Variants in CSTPP1 observed in about 807,000 individuals in gnomAD.
The protein encoded by CSTPP1 is centriolar satellite-associated tubulin polyglutamylase complex regulator 1.
chr11:47,054,913 A>G, the CSTPP1 span, among the ~76,000 whole-genome samples: 1 of 149,260 alleles, frequency 6.7e-6, no homozygotes, highest in Non-Finnish European at 1.5e-5. Flanking sequence ...AGTAATAGCC[A>G]CAGAATAAAT....
chr11:46,941,588 C>T, the CSTPP1 span, among the ~76,000 whole-genome samples: 2 of 152,172 alleles, frequency 1.3e-5, no homozygotes, highest in Admixed American at 6.5e-5. Context: ...GATCCACCCA[C>T]CTTAGCCTCC....
the CSTPP1 span, among the ~76,000 whole-genome samples, chr11:47,049,356 G>T: frequency 1.3e-5 from 2 of 152,104 alleles, no homozygotes; most frequent in African/African-American, 4.8e-5. Flanking sequence ...ATGTAGATAG[G>T]CCAGGCGCGG....
chr11:46,944,119 A>G, the CSTPP1 span, among the ~76,000 whole-genome samples: 1 of 152,072 alleles, frequency 6.6e-6, no homozygotes, highest in Non-Finnish European at 1.5e-5. Context: ...GGAGTTCGAG[A>G]CCAGCCTGGC....
At chr11:47,004,188 T>A in the CSTPP1 span, among the ~76,000 whole-genome samples, 1 of 149,440 alleles carries the variant, frequency 6.7e-6, no homozygotes, top group Non-Finnish European at 1.5e-5. Flanking sequence ...TTGTTTTTGT[T>A]TTTTTTTTTT....
chr11:47,125,482 G>T, the CSTPP1 span, among the ~76,000 whole-genome samples: 3 of 152,138 alleles, frequency 2.0e-5, no homozygotes, highest in African/African-American at 7.2e-5. Flanking sequence ...GTTAGCCACT[G>T]CTTCTGTTTA....
At chr11:47,089,206 G>A in the CSTPP1 span, among the ~76,000 whole-genome samples, 1 of 151,952 alleles carries the variant, frequency 6.6e-6, no homozygotes, top group African/African-American at 2.4e-5. Context: ...GTATTATATC[G>A]GCAAAGGGGT....
the CSTPP1 span, among the ~76,000 whole-genome samples, chr11:47,003,316 A>G: frequency 1.3e-5 from 2 of 152,230 alleles, no homozygotes; most frequent in Non-Finnish European, 2.9e-5. Flanking sequence ...ACAATTTGGC[A>G]CCTTTAACCA....
chr11:47,025,087 A>T, the CSTPP1 span, among the ~76,000 whole-genome samples: 1 of 152,278 alleles, frequency 6.6e-6, no homozygotes, highest in African/African-American at 2.4e-5. Context: ...TAGTTACTAC[A>T]ATGGACTTGA....
At chr11:46,942,195 T>C in the CSTPP1 span, among the ~76,000 whole-genome samples, 2 of 152,184 alleles carry the variant, frequency 1.3e-5, no homozygotes, top group African/African-American at 2.4e-5. Context: ...TGTTAATGCC[T>C]AGGCCTGAAG....
At chr11:46,969,260 C>G in the CSTPP1 span, among the ~76,000 whole-genome samples, 1 of 152,168 alleles carries the variant, frequency 6.6e-6, no homozygotes, top group Non-Finnish European at 1.5e-5. Context: ...GCCCCTCCTG[C>G]ATTTGACAAC....
the CSTPP1 span, among the ~76,000 whole-genome samples, chr11:47,162,822 G>A: frequency 2.0e-5 from 3 of 152,046 alleles, no homozygotes; most frequent in African/African-American, 4.8e-5. Flanking sequence ...TACCCAGAAC[G>A]GATCATTACA....
chr11:47,157,210 C>A, the CSTPP1 span: 1 of 1,583,486 alleles, frequency 6.3e-7, no homozygotes, highest in South Asian at 1.2e-5. Context: ...GTGATCGGCA[C>A]AAGTACAGGT....
the CSTPP1 span, among the ~76,000 whole-genome samples, chr11:46,986,423 C>CT: frequency 6.0e-3 from 837 of 138,464 alleles, 4 homozygotes; most frequent in African/African-American, 8.8e-3. Flanking sequence ...TTTCCAGTGA[C>CT]TTTTTTTTTT....
the CSTPP1 span, among the ~76,000 whole-genome samples, chr11:46,942,673 C>G: frequency 6.6e-6 from 1 of 152,054 alleles, no homozygotes; most frequent in African/African-American, 2.4e-5. Flanking sequence ...TTTTTGAACT[C>G]TTCCTATATG....
At chr11:47,086,279 AC>A in the CSTPP1 span, among the ~76,000 whole-genome samples, 1 of 150,506 alleles carries the variant, frequency 6.6e-6, no homozygotes, top group African/African-American at 2.4e-5. Context: ...GGTAGTACAT[AC>A]CTGTAATCCC....
the CSTPP1 span, among the ~76,000 whole-genome samples, chr11:46,959,865 A>AT: frequency 0.14 from 18,282 of 134,046 alleles, 4,276 homozygotes; most frequent in African/African-American, 0.48. Flanking sequence ...GGTTTAAATA[A>AT]TTTTTTTTTT....
At chr11:47,141,991 T>A in the CSTPP1 span, among the ~76,000 whole-genome samples, 2 of 135,044 alleles carry the variant, frequency 1.5e-5, no homozygotes, top group South Asian at 2.5e-4. Flanking sequence ...ACGCCTGTAA[T>A]CCCAGCAGTT....
the CSTPP1 span, among the ~76,000 whole-genome samples, chr11:47,144,274 C>T: frequency 6.6e-5 from 10 of 152,024 alleles, no homozygotes; most frequent in Admixed American, 2.0e-4. Flanking sequence ...CTGCAACCTC[C>T]GCCTCCTGGG....
chr11:47,103,778 G>C, the CSTPP1 span: 1 of 146,294 alleles, frequency 6.8e-6, no homozygotes, highest in African/African-American at 2.5e-5. Flanking sequence ...GAGTTCATGC[G>C]ATTCTTGTGC....
Sources: allele counts gnomAD v4.1 joint callset (sites outside exome capture counted in the v4.1 genomes callset), GRCh38; gene constraint gnomAD v4.1.1; transcripts MANE v1.5; gene names NCBI Gene and HGNC (gene_info 2026-07-23, HGNC 2026-07-21).